NPSR1: variants seen among roughly 807,000 people sequenced by gnomAD.
The protein encoded by NPSR1 is neuropeptide S receptor 1, also known as neuropeptide S receptor.
In NPSR1, 48 loss-of-function variants were observed where a neutral mutation model predicts 46.9. The observed-to-expected ratio is 1.02, with a 90% CI of 0.81 to 1.30. NPSR1 has a LOEUF of 1.30. Ranked by LOEUF, NPSR1 falls within the 50% of genes most tolerant of loss-of-function variation. The probability of loss-of-function intolerance (pLI) is 0.00; values close to 1 mark genes in which losing one functional copy is unlikely to be tolerated. For missense variants in NPSR1, 450 were observed against 449.5 expected, an observed-to-expected ratio of 1.00 and a Z score of -0.01; for synonymous variants, 176 against 168.1, an observed-to-expected ratio of 1.05 and a Z score of -0.36.
At chr7:34,663,069 G>GTGTGTGTGTGTGTT (rs1203512481) in intron 1 of NPSR1, among the ~76,000 whole-genome samples, 9 of 71,030 alleles carry the variant, frequency 1.3e-4, no homozygotes, top group African/African-American at 4.8e-4. Context: ...CTCTCTCTCT[G>GTGTGTGTGTGTGTT]TGTGTGTGTG....
chr7:34,673,210 A>AT (rs1259510682), intron 1 of NPSR1, among the ~76,000 whole-genome samples: 1 of 152,162 alleles, frequency 6.6e-6, no homozygotes, highest in Non-Finnish European at 1.5e-5. Flanking sequence ...AGAAGTTCAC[A>AT]TTGAAAATTC....
chr7:34,837,513 T>C (rs148049492), intron 6 of NPSR1, among the ~76,000 whole-genome samples: 10 of 152,336 alleles, frequency 6.6e-5, no homozygotes, highest in African/African-American at 2.4e-4. Flanking sequence ...CCATGGCCCA[T>C]TGCCCATTTC....
At chr7:34,869,585 G>A (rs572536586) in intron 8 of NPSR1, among the ~76,000 whole-genome samples, 18 of 151,652 alleles carry the variant, frequency 1.2e-4, no homozygotes, top group Middle Eastern at 3.4e-3. Context: ...CAATGTTCCC[G>A]GACTTCCTAT....
intron 2 of NPSR1, among the ~76,000 whole-genome samples, chr7:34,694,891 G>A (rs1793439821): frequency 6.6e-6 from 1 of 152,124 alleles, no homozygotes. Context: ...TGTATTTTTA[G>A]TAGAGACGGG....
intron 2 of NPSR1, among the ~76,000 whole-genome samples, chr7:34,744,638 G>T (rs1785114925): frequency 6.6e-6 from 1 of 152,128 alleles, no homozygotes; most frequent in East Asian, 1.9e-4. Context: ...TTGTCCCATT[G>T]GGAATCCCTC....
At chr7:34,779,907 G>C (rs1214220446) in intron 3 of NPSR1, 1 of 157,718 alleles carries the variant, frequency 6.3e-6, no homozygotes, top group Admixed American at 6.5e-5. Flanking sequence ...TTATCAAAAG[G>C]TTCGGTCAGA....
Position 34,693,934 on chromosome 7 carries a change from C to T in NPSR1, c.280+9250C>T, listed in dbSNP as rs555318500. On this transcript the variant is annotated intron_variant, in intron 2 of 8. Transcript: ENST00000360581. Reference sequence around the variant, plus strand: ...ATATGATCATCTCAATACAATAAGGCGTCAATAAAATCCAACATCTTTTGA... The same window carrying T: ...ATATGATCATCTCAATACAATAAGGTGTCAATAAAATCCAACATCTTTTGA... Among the ~76,000 whole-genome samples, 15 of 152,078 alleles carry T rather than the reference C, an allele frequency of 9.9e-5. No homozygotes were observed. The South Asian group carries it at 1.7e-3, about 17-fold the overall frequency.
intron 2 of NPSR1, among the ~76,000 whole-genome samples, chr7:34,774,241 T>A (rs1203685652): frequency 1.3e-5 from 2 of 152,222 alleles, no homozygotes; most frequent in African/African-American, 4.8e-5. Context: ...TCAGCCAGGA[T>A]TGGCCTTTTA....
chr7:34,814,579 G>C (rs1220600827), intron 4 of NPSR1, among the ~76,000 whole-genome samples: 1 of 152,234 alleles, frequency 6.6e-6, no homozygotes, highest in Non-Finnish European at 1.5e-5. Context: ...AGAATGGACA[G>C]ACTGCCTCCT....
chr7:34,681,550 C>A (rs1792634853), intron 1 of NPSR1, among the ~76,000 whole-genome samples: 1 of 152,188 alleles, frequency 6.6e-6, no homozygotes, highest in Admixed American at 6.5e-5. Flanking sequence ...ACCTCTTTTC[C>A]AGCTGGATAG....
intron 2 of NPSR1, among the ~76,000 whole-genome samples, chr7:34,689,623 A>AG (rs1793136639): frequency 4.1e-5 from 6 of 146,084 alleles, no homozygotes; most frequent in East Asian, 2.0e-4. Flanking sequence ...AAAAAAAAAA[A>AG]AAAAAAAAAA....
intron 3 of NPSR1, among the ~76,000 whole-genome samples, chr7:34,789,969 T>G (rs1787654521): frequency 6.6e-6 from 1 of 152,008 alleles, no homozygotes; most frequent in Non-Finnish European, 1.5e-5. Context: ...AATAGCAATC[T>G]TTCTCAAAGT....
rs35825312 is a variant in NPSR1 at position 34,684,780 on chromosome 7, C to T, written c.280+96C>T. On this transcript the variant is annotated intron_variant, in intron 2 of 8. Coordinates refer to ENST00000360581, the MANE Select transcript of NPSR1 (RefSeq NM_207172.2). ...TTTTATCAAAAAAAAAAAAATGTAA[C>T]GCATCGGTCAATTTGGGAATAATTT... 5.3e-4 allele frequency: 507 copies of T among 962,358 alleles called. 3 individuals carry two copies. Among genetic ancestry groups the T allele is most frequent in the African/African-American group, 2.4e-3 (145 of 59,456 alleles). 59.6% of individuals were successfully genotyped at this position (962,358 alleles called of 1,614,324 possible).
chr7:34,771,259 A>T (rs555780981), intron 2 of NPSR1, among the ~76,000 whole-genome samples: 1 of 152,292 alleles, frequency 6.6e-6, no homozygotes, highest in Non-Finnish European at 1.5e-5. Flanking sequence ...ACATAGTGAG[A>T]TCCCGTCTCT....
intron 4 of NPSR1, among the ~76,000 whole-genome samples, chr7:34,824,199 CTTTTCGCTTA>C (rs958364939): frequency 5.9e-5 from 9 of 151,874 alleles, no homozygotes; most frequent in Non-Finnish European, 5.9e-5. Context: ...GATTTTTTTC[CTTTTCGCTTA>C]TTTTTATTTG....
chr7:34,853,353 G>T (rs1790978878), downstream of NPSR1, among the ~76,000 whole-genome samples: 1 of 152,220 alleles, frequency 6.6e-6, no homozygotes, highest in Admixed American at 6.5e-5. Flanking sequence ...TCATTTGAAT[G>T]TACCTCATCT....
intron 1 of NPSR1, among the ~76,000 whole-genome samples, chr7:34,682,396 A>C (rs1432875583): frequency 1.3e-5 from 2 of 152,142 alleles, no homozygotes; most frequent in Non-Finnish European, 2.9e-5. Context: ...TCCCTGATAG[A>C]ATATTATATT....
chr7:34,697,002 T>A (rs949065776), intron 2 of NPSR1, among the ~76,000 whole-genome samples: 1 of 152,028 alleles, frequency 6.6e-6, no homozygotes, highest in Non-Finnish European at 1.5e-5. Context: ...TACCAAAATG[T>A]TTATAGGTAA....
chr7:34,853,609 A>G (rs1270664016), downstream of NPSR1, among the ~76,000 whole-genome samples: 1 of 152,212 alleles, frequency 6.6e-6, no homozygotes, highest in Non-Finnish European at 1.5e-5. Context: ...AGCTGGTCTC[A>G]TGGTTTTCAG....
Sources: allele counts gnomAD v4.1 joint callset (sites outside exome capture counted in the v4.1 genomes callset), GRCh38; gene constraint gnomAD v4.1.1; transcripts MANE v1.5; gene names NCBI Gene and HGNC (gene_info 2026-07-23, HGNC 2026-07-21).